Variants in NSD1 observed in about 807,000 individuals in gnomAD.
NSD1 encodes the protein nuclear receptor binding SET domain protein 1, also known as histone-lysine N-methyltransferase, H3 lysine-36 specific.
In NSD1, 26 loss-of-function variants were observed where a neutral mutation model predicts 242.7. The observed-to-expected ratio is 0.11, with a 90% CI of 0.08 to 0.15. NSD1 has a LOEUF of 0.15. Among genes scored for constraint, NSD1 ranks in the 10% least tolerant of loss-of-function variants. The pLI, the probability that NSD1 is intolerant of heterozygous loss-of-function variation, is 1.00. For missense variants in NSD1, 2,495 were observed against 3,272.8 expected (o/e 0.76, Z 5.80); for synonymous variants, 1,106 against 1,178.1 (o/e 0.94, Z 1.25).
At position 177,196,074 on chromosome 5, in the gene NSD1, C is replaced by T. The variant is rs555790584; in HGVS notation, c.1063+4055C>T. On this transcript the variant is annotated intron_variant, in intron 3 of 22. Transcript: ENST00000439151. Reference sequence around the variant, plus strand: ...CAGTGGTGTTTGCTAATAAAGTTATCTCTGATCTGTTACTTGAGAGGATGA... The same window carrying T: ...CAGTGGTGTTTGCTAATAAAGTTATTTCTGATCTGTTACTTGAGAGGATGA... Among the ~76,000 whole-genome samples, 183 of 152,096 alleles carry T rather than the reference C, an allele frequency of 1.2e-3. 2 individuals carry two copies. The highest frequency in any genetic ancestry group is 1.5e-3 in the Non-Finnish European group (101 of 68,026).
At position 177,295,710 on chromosome 5, in the gene NSD1, C is replaced by T. The variant is rs1760213065; in HGVS notation, c.*251C>T. ...AGACAGACAGACTTGGGTCTCTTTC[C>T]CCCAACTTTTCCACATGGTCATCGT... On this transcript the variant is annotated 3_prime_UTR_variant, in exon 23 of 23. Coordinates refer to ENST00000439151, the MANE Select transcript of NSD1 (RefSeq NM_022455.5). The surrounding 1 kb of genome is among the most constrained non-coding windows in gnomAD (Gnocchi z 4.3). 3.1e-5 allele frequency: 18 copies of T among 573,138 alleles called. No individual in the cohort carries two copies. In the South Asian group the frequency reaches 3.6e-4, roughly 12 times the overall value. The allele number at this position is 573,138 out of a possible 1,614,324, so 35.5% of individuals were successfully genotyped here. A position where few individuals can be genotyped will look rare whatever the true frequency, so the allele number is the denominator to read the frequency against.
chr5:177,196,397 CATT>C (rs765513186), intron 3 of NSD1, among the ~76,000 whole-genome samples: 2 of 152,054 alleles, frequency 1.3e-5, no homozygotes, highest in Non-Finnish European at 2.9e-5. Context: ...ACAGTTAAGT[CATT>C]ATTAGTGATT....
chr5:177,204,777 G>GTTTT (rs201136477), intron 4 of NSD1, among the ~76,000 whole-genome samples: 1 of 151,008 alleles, frequency 6.6e-6, no homozygotes, highest in Non-Finnish European at 1.5e-5. Flanking sequence ...ATGCAGGTGG[G>GTTTT]TTTTTTTTGT....
chr5:177,173,076 G>A (rs368254531), intron 2 of NSD1, among the ~76,000 whole-genome samples: 4 of 151,614 alleles, frequency 2.6e-5, no homozygotes, highest in East Asian at 1.9e-4. Flanking sequence ...GGCAGATCAC[G>A]AGGTCAGGAG....
chr5:177,169,520 C>A, intron 2 of NSD1: 2 of 165,268 alleles, frequency 1.2e-5, no homozygotes, highest in South Asian at 3.1e-4. Flanking sequence ...CTTCAAGGGT[C>A]TCGCCTGCTT....
chr5:177,160,102 G>GC (rs1758617619), intron 2 of NSD1, among the ~76,000 whole-genome samples: 1 of 150,682 alleles, frequency 6.6e-6, no homozygotes, highest in South Asian at 2.1e-4. Flanking sequence ...TGTTGGCCAG[G>GC]CTGATCTTGA....
intron 16 of NSD1, among the ~76,000 whole-genome samples, chr5:177,271,097 G>A (rs971989011): frequency 2.0e-5 from 3 of 152,112 alleles, no homozygotes; most frequent in African/African-American, 7.2e-5. Context: ...CTGAGATTCT[G>A]CCTTAATCAG....
intron 2 of NSD1, among the ~76,000 whole-genome samples, chr5:177,160,604 G>A (rs939515026): frequency 2.0e-5 from 3 of 151,848 alleles, no homozygotes; most frequent in Non-Finnish European, 2.9e-5. Context: ...TGCCCCGCCT[G>A]CAATTACTTC....
intron 20 of NSD1, among the ~76,000 whole-genome samples, chr5:177,285,889 GTGTT>G (rs1354130118): frequency 8.5e-5 from 13 of 152,250 alleles, no homozygotes; most frequent in Non-Finnish European, 2.9e-5. Context: ...GTTTTTGTGT[GTGTT>G]TGTTTGCTTG....
At chr5:177,265,915 G>T (rs780574437) in intron 14 of NSD1, 3 of 1,449,570 alleles carry the variant, frequency 2.1e-6, no homozygotes, top group South Asian at 1.1e-5. Context: ...CCACCTTGAC[G>T]GTGTAGATGT....
intron 11 of NSD1, among the ~76,000 whole-genome samples, chr5:177,251,489 C>T (rs374812553): frequency 1.3e-5 from 2 of 152,288 alleles, no homozygotes; most frequent in Admixed American, 6.5e-5. Context: ...AACTCGTTTT[C>T]CATGTAGCAG....
Position 177,292,190 on chromosome 5 carries a change from C to T in NSD1, c.6463+32C>T, listed in dbSNP as rs1299195365. 7 of 1,605,324 alleles carry T rather than the reference C, an allele frequency of 4.4e-6. No homozygotes were observed. The Admixed American group carries it at 5.0e-5, about 11-fold the overall frequency. On this transcript the variant is annotated intron_variant, in intron 22 of 22. Coordinates refer to ENST00000439151, the MANE Select transcript of NSD1 (RefSeq NM_022455.5). The stretch of plus-strand genomic sequence containing the variant: ...GCCAAAATCCATTTGTACCGCTACT[C>T]GTTCTCTCCATCATACTCAGGGTCT...
At chr5:177,231,035 A>C (rs1282479722) in intron 5 of NSD1, among the ~76,000 whole-genome samples, 1 of 152,146 alleles carries the variant, frequency 6.6e-6, no homozygotes, top group Non-Finnish European at 1.5e-5. Context: ...GGATGGAATT[A>C]TGACCTTGCC....
At chr5:177,281,150 A>G (rs1483185611) in intron 18 of NSD1, among the ~76,000 whole-genome samples, 2 of 152,304 alleles carry the variant, frequency 1.3e-5, no homozygotes, top group East Asian at 3.9e-4. Flanking sequence ...CAGTGAGCAC[A>G]TGATACAGAG....
intron 1 of NSD1, 32 bp from the exon 2 acceptor site, chr5:177,135,055 C>G (rs1581088865): frequency 6.3e-7 from 1 of 1,590,554 alleles, no homozygotes; most frequent in Non-Finnish European, 8.6e-7. Context: ...GGCCTATTAA[C>G]TCAGATTAAT....
rs377275787 is a variant in NSD1 at position 177,248,234 on chromosome 5, A to G, written c.4551A>G (p.Glu1517=). Residue 1517 remains glutamate, a synonymous_variant, in exon 11 of 23, where the codon GAA becomes GAG. Transcript: ENST00000439151. The part of the protein sequence containing the change: ...TATSPKETVE[E]GVEHDPGMPA... The stretch of plus-strand genomic sequence containing the variant: ...CAAGCCCCAAGGAGACTGTTGAGGA[A>G]GGTGTAGAACACGATCCCGGGATGC... The G allele has an allele frequency of 1.9e-6, 3 of 1,614,074 alleles. No individual in the cohort carries two copies. Among genetic ancestry groups the G allele is most frequent in the Admixed American group, 3.3e-5 (2 of 59,992 alleles).
At chr5:177,273,286 A>G (rs909454468) in intron 16 of NSD1, among the ~76,000 whole-genome samples, 13 of 145,848 alleles carry the variant, frequency 8.9e-5, no homozygotes, top group African/African-American at 3.1e-4. Flanking sequence ...CATAAAATAC[A>G]CTAACAGTAA....
chr5:177,178,740 TA>T (rs1210216326), intron 2 of NSD1, among the ~76,000 whole-genome samples: 3 of 152,204 alleles, frequency 2.0e-5, no homozygotes, highest in Admixed American at 6.5e-5. Context: ...TTAAGAACAT[TA>T]AAAAGTGCTT....
At chr5:177,256,838 C>T (rs1043340019) in intron 12 of NSD1, 113 bp from the exon 13 acceptor site, 18 of 832,278 alleles carry the variant, frequency 2.2e-5, no homozygotes, top group Admixed American at 3.8e-5. Flanking sequence ...TGGGTTCAGA[C>T]GATGTCAAAC....
Sources: allele counts gnomAD v4.1 joint callset (sites outside exome capture counted in the v4.1 genomes callset), GRCh38; gene constraint gnomAD v4.1.1; non-coding constraint Gnocchi (gnomAD v3.1); transcripts MANE v1.5; gene names NCBI Gene and HGNC (gene_info 2026-07-23, HGNC 2026-07-21).